The following SIM2 variants were observed in gnomAD, a reference collection of about 807,000 sequenced individuals.
SIM2 encodes single-minded homolog 2.
SIM2 carries 28 observed loss-of-function variants against 64.8 expected under a neutral mutation model. The observed-to-expected ratio is 0.43, with a 90% CI of 0.32 to 0.59. The LOEUF is 0.59. SIM2 is among the 20% of genes least tolerant of loss of function. The pLI is 0.07. For synonymous variants in SIM2, 408 were observed against 391.1 expected, an observed-to-expected ratio of 1.04 and a Z score of -0.51; for missense variants, 847 against 871.4, an observed-to-expected ratio of 0.97 and a Z score of 0.35.
rs146889822 is a variant in SIM2, at chr21:36,746,632, G to C, written c.1577-1033G>C. 3.2e-3 allele frequency among the ~76,000 whole-genome samples: 490 copies of C among 152,274 alleles called. 4 individuals carry two copies. Among genetic ancestry groups the C allele is most frequent in the African/African-American group, 0.011 (465 of 41,538 alleles). On this transcript the variant is annotated intron_variant, in intron 10 of 10. Transcript: ENST00000290399. ...TAGAAAAGACCACATTGGTGACCAG[G>C]GCCAGGACCCCTGCCTTTTGACCTG...
chr21:36,709,709 T>C, intron 2 of SIM2: 1 of 328,264 alleles, frequency 3.0e-6, no homozygotes, highest in Non-Finnish European at 5.9e-6. Flanking sequence ...AATAATACAA[T>C]ATTAACAGGA....
At chr21:36,721,201 G>T (rs2088818427) in intron 4 of SIM2, among the ~76,000 whole-genome samples, 1 of 152,100 alleles carries the variant, frequency 6.6e-6, no homozygotes. Context: ...AAATGAGATG[G>T]GGCACCTAGT....
chr21:36,709,224 A>C lies in SIM2; in HGVS notation c.232A>C (p.Lys78Gln), dbSNP rs1367653471. 1.9e-6 allele frequency: 3 copies of C among 1,609,410 alleles called. No individual in the cohort carries two copies. The South Asian group carries it at 3.3e-5, about 18-fold the overall frequency. ...SRAGPLDGVAKELGSHLLQTL... is the reference protein window; with the variant it reads ...SRAGPLDGVAQELGSHLLQTL... ...CGCCGGGCCCCTGGACGGCGTCGCC[A>C]AGGAGCTGGGATCGCACTTGCTGCA... The change falls in exon 2 of 11, where the codon AAG becomes CAG. Residue 78 changes from lysine (K) to glutamine (Q), a missense_variant. Coordinates refer to ENST00000290399, the MANE Select transcript of SIM2 (RefSeq NM_005069.6).
In SIM2 at chr21:36,747,573, G is replaced by C; in HGVS notation, c.1577-92G>C. 1 of 910,954 alleles carries C rather than the reference G, an allele frequency of 1.1e-6. No homozygotes were observed. Among genetic ancestry groups the C allele is most frequent in the Non-Finnish European group, 1.4e-6 (1 of 729,882 alleles). 56.4% of individuals were successfully genotyped at this position (910,954 alleles called of 1,614,324 possible). ...ACCCCGCGGGTGCAGCGCGTGGGCGGCCGAGGGGTGGTGGCTGCGCCCGGG... is the reference window on the plus strand; with the variant it reads ...ACCCCGCGGGTGCAGCGCGTGGGCGCCCGAGGGGTGGTGGCTGCGCCCGGG... On this transcript the variant is annotated intron_variant, in intron 10 of 10. Coordinates refer to ENST00000290399, the MANE Select transcript of SIM2 (RefSeq NM_005069.6). The surrounding 1 kb of genome is among the most constrained non-coding windows in gnomAD (Gnocchi z 4.5).
chr21:36,728,621 G>T (rs891296425), intron 6 of SIM2, among the ~76,000 whole-genome samples: 1 of 152,236 alleles, frequency 6.6e-6, no homozygotes, highest in East Asian at 1.9e-4. Flanking sequence ...TTTCTGAGCT[G>T]CAGTCACATG....
chr21:36,699,970 C>CG lies in SIM2; in HGVS notation c.175+51dup. On this transcript the variant is annotated intron_variant, in intron 1 of 10. Transcript: ENST00000290399. The surrounding 1 kb of genome is among the most constrained non-coding windows in gnomAD (Gnocchi z 5.6). ...GGGACGCTGGGGAGCCCGGCGGCCC[C>CG]GGCCCAGGCGGGAAGCGCAAGCCAG... 1.3e-6 allele frequency: 2 copies of CG among 1,515,840 alleles called. No individual in the cohort carries two copies. Among genetic ancestry groups the CG allele is most frequent in the Non-Finnish European group, 1.8e-6 (2 of 1,135,858 alleles). The allele number at this position is 1,515,840 out of a possible 1,614,324, so 93.9% of individuals were successfully genotyped here.
rs146057038 is a variant in SIM2, at chr21:36,722,978, C to T, written c.458-67C>T. 4.4e-3 allele frequency: 5,305 copies of T among 1,207,328 alleles called. 21 individuals are homozygous for T. The highest frequency in any genetic ancestry group is 5.5e-3 in the Non-Finnish European group (4,459 of 809,784). 74.8% of individuals were successfully genotyped at this position (1,207,328 alleles called of 1,614,324 possible). On this transcript the variant is annotated intron_variant, in intron 4 of 10. Coordinates refer to ENST00000290399, the MANE Select transcript of SIM2 (RefSeq NM_005069.6). ...ATCTGGCCCTGGGAACACATTGGTGCGGTTGGAATAAGGATGGGGGAAGCA... is the reference window on the plus strand; with the variant it reads ...ATCTGGCCCTGGGAACACATTGGTGTGGTTGGAATAAGGATGGGGGAAGCA...
At chr21:36,742,642 G>A (rs1356279110) in intron 8 of SIM2, among the ~76,000 whole-genome samples, 1 of 152,106 alleles carries the variant, frequency 6.6e-6, no homozygotes, top group Non-Finnish European at 1.5e-5. Context: ...CATAGCTATT[G>A]TACGTTCAAT....
Position 36,749,488 on chromosome 21 carries a change from G to A in SIM2, c.*1396G>A, listed in dbSNP as rs1301551501. 2.1e-5 allele frequency: 3 copies of A among 145,916 alleles called. No individual in the cohort carries two copies. Among genetic ancestry groups the A allele is most frequent in the African/African-American group, 7.7e-5 (3 of 39,012 alleles). 9.0% of individuals were successfully genotyped at this position (145,916 alleles called of 1,614,324 possible). On this transcript the variant is annotated 3_prime_UTR_variant, in exon 11 of 11. Coordinates refer to ENST00000290399, the MANE Select transcript of SIM2 (RefSeq NM_005069.6). The stretch of plus-strand genomic sequence containing the variant: ...TTTTGCCAACCCTGTGTCACTTAGT[G>A]AGGACCTGACACAATCCCTACAGGG...
Position 36,747,961 on chromosome 21 carries a change from G to T in SIM2, c.1873G>T (p.Ala625Ser). 9.9e-7 allele frequency: 1 copy of T among 1,006,362 alleles called. No individual in the cohort carries two copies. Among genetic ancestry groups the T allele is most frequent in the Non-Finnish European group, 1.2e-6 (1 of 847,280 alleles). The allele number at this position is 1,006,362 out of a possible 1,614,324, so 62.3% of individuals were successfully genotyped here. A position where few individuals can be genotyped will look rare whatever the true frequency, so the allele number is the denominator to read the frequency against. The part of the protein sequence containing the change: ...AAPAASGLAC[A>S]PGGPEAATGA... ...ACCCGCCGCCTCCGGCCTGGCCTGCGCTCCCGGCGGCCCCGAGGCGGCGAC... is the reference window on the plus strand; with the variant it reads ...ACCCGCCGCCTCCGGCCTGGCCTGCTCTCCCGGCGGCCCCGAGGCGGCGAC... Residue 625 changes from alanine (A) to serine (S), a missense_variant, in exon 11 of 11, where the codon GCT becomes TCT. Physicochemically the swap from Ala to Ser is moderately conservative, Grantham distance 99. This residue lies in a region of SIM2 where 447 missense variants were observed against 414.6 expected (regional missense o/e 1.08). Transcript: ENST00000290399. This position sits in a 1 kb window ranked among gnomAD's most constrained non-coding sequence, Gnocchi z 4.5.
chr21:36,744,860 C>T lies in SIM2; in HGVS notation c.1300C>T (p.Pro434Ser), dbSNP rs137945799. 2.8e-5 allele frequency: 46 copies of T among 1,614,258 alleles called. No individual in the cohort carries two copies. In the African/African-American group the frequency reaches 5.1e-4, roughly 18 times the overall value. Residue 434 changes from proline (P) to serine (S), a missense_variant, in exon 10 of 11, where the codon CCA becomes TCA. By Grantham distance (74) the Pro-to-Ser change is moderately conservative. Transcript: ENST00000290399. Reference protein sequence around the residue: ...HSESSDLLYTPSYSLPFSYHY... With the variant: ...HSESSDLLYTSSYSLPFSYHY... ...AGAAAGCAGTGACCTTCTGTACACG[C>T]CATCCTACAGCCTGCCCTTCTCCTA...
chr21:36,704,679 C>T (rs1458836593), intron 1 of SIM2, among the ~76,000 whole-genome samples: 3 of 152,212 alleles, frequency 2.0e-5, no homozygotes, highest in Admixed American at 6.5e-5. Flanking sequence ...GGGGCGGCGT[C>T]CGAACTCCCC....
intron 7 of SIM2, among the ~76,000 whole-genome samples, chr21:36,736,230 C>A (rs151295612): frequency 3.5e-4 from 54 of 152,200 alleles, no homozygotes; most frequent in Admixed American, 9.8e-4. Flanking sequence ...GTGAGGTCAC[C>A]GAGAGCAGGA....
chr21:36,748,009 C>G lies in SIM2; in HGVS notation c.1921C>G (p.Pro641Ala). 14 of 1,140,028 alleles carry G rather than the reference C, an allele frequency of 1.2e-5. No individual in the cohort carries two copies. The highest frequency in any genetic ancestry group is 1.5e-5 in the Non-Finnish European group (14 of 930,202). The allele number at this position is 1,140,028 out of a possible 1,614,324, so 70.6% of individuals were successfully genotyped here. A position where few individuals can be genotyped will look rare whatever the true frequency, so the allele number is the denominator to read the frequency against. ...AATGALRLRH[P>A]SPAATSPPGA... is the part of the protein sequence containing the mutation. ...GACCGGCGCGCTGCGGCTCCGGCAC[C>G]CGAGCCCCGCCGCCACCTCCCCGCC... Residue 641 changes from proline (P) to alanine (A), a missense_variant, in exon 11 of 11, where the codon CCG becomes GCG. Physicochemically the swap from Pro to Ala is conservative, Grantham distance 27 (BLOSUM62 -1). Transcript: ENST00000290399.
In SIM2 at chr21:36,747,756, C is replaced by A; in HGVS notation, c.1668C>A (p.Gly556=). 13 of 1,181,300 alleles carry A rather than the reference C, an allele frequency of 1.1e-5. No individual in the cohort carries two copies. The highest frequency in any genetic ancestry group is 1.4e-5 in the Non-Finnish European group (13 of 957,884). 73.2% of individuals were successfully genotyped at this position (1,181,300 alleles called of 1,614,324 possible). ...ACTACCGCGAGGAGCCCGCGCTGGG[C>A]CCGGCCAAAGCCGCCCGCCAGGCCG... ...CGHYREEPAL[G]PAKAARQAAR... is the part of the protein sequence containing the mutation. Residue 556 remains glycine, a synonymous_variant, in exon 11 of 11, where the codon GGC becomes GGA. Transcript: ENST00000290399. The surrounding 1 kb of genome is among the most constrained non-coding windows in gnomAD (Gnocchi z 4.5).
rs1461880759 is a variant in SIM2 at position 36,711,384 on chromosome 21, T to C, written c.259-1149T>C. On this transcript the variant is annotated intron_variant, in intron 2 of 10. Coordinates refer to ENST00000290399, the MANE Select transcript of SIM2 (RefSeq NM_005069.6). The stretch of plus-strand genomic sequence containing the variant: ...AATATTTTGCAGCTGAGTTAGAAAC[T>C]TGAAAGTTAGGCTTATAATCAAGAT... Among the ~76,000 whole-genome samples, 4 of 152,352 alleles carry C rather than the reference T, an allele frequency of 2.6e-5. No homozygotes were observed. The East Asian group carries it at 7.7e-4, about 29-fold the overall frequency.
chr21:36,712,279 A>C (rs750838358), intron 2 of SIM2, among the ~76,000 whole-genome samples: 1 of 152,232 alleles, frequency 6.6e-6, no homozygotes, highest in African/African-American at 2.4e-5. Flanking sequence ...AATGTTTTGC[A>C]TGATTTTTGT....
intron 1 of SIM2, among the ~76,000 whole-genome samples, chr21:36,705,705 C>T (rs540321998): frequency 6.6e-6 from 1 of 152,200 alleles, no homozygotes; most frequent in Non-Finnish European, 1.5e-5. Flanking sequence ...CCAGGTGGGG[C>T]TCCCAAACCG....
Position 36,748,130 on chromosome 21 carries a change from T to C in SIM2, c.*38T>C. On this transcript the variant is annotated 3_prime_UTR_variant, in exon 11 of 11. Coordinates refer to ENST00000290399, the MANE Select transcript of SIM2 (RefSeq NM_005069.6). ...CCGCGCCAGGAGCCTGGACCCGGCCTCCCGGGGCTGCGGCGCCACCGAGCC... is the reference window on the plus strand; with the variant it reads ...CCGCGCCAGGAGCCTGGACCCGGCCCCCCGGGGCTGCGGCGCCACCGAGCC... The C allele has an allele frequency of 8.8e-7, 1 of 1,137,864 alleles. No homozygotes were observed. Among genetic ancestry groups the C allele is most frequent in the African/African-American group, 1.6e-5 (1 of 61,566 alleles). The allele number at this position is 1,137,864 out of a possible 1,614,324, so 70.5% of individuals were successfully genotyped here.
Sources: allele counts gnomAD v4.1 joint callset (sites outside exome capture counted in the v4.1 genomes callset), GRCh38; gene constraint gnomAD v4.1.1; regional missense constraint gnomAD v4.1.1; non-coding constraint Gnocchi (gnomAD v3.1); transcripts MANE v1.5; gene names NCBI Gene and HGNC (gene_info 2026-07-23, HGNC 2026-07-21).